Variants in DBI observed in about 807,000 individuals in gnomAD.
DBI encodes the protein diazepam binding inhibitor, acyl-CoA binding protein, also known as acyl-CoA-binding protein.
In DBI, 12 loss-of-function variants were observed where a neutral mutation model predicts 13.0. That is an observed-to-expected ratio of 0.92 (90% CI 0.59 to 1.49). The LOEUF (loss-of-function observed/expected upper bound fraction) is 1.49, where lower values mean the gene tolerates loss of function less well. Ranked by LOEUF, DBI falls within the 40% of genes most tolerant of loss-of-function variation. The pLI is 0.00. For missense variants in DBI, 95 were observed against 104.8 expected, an observed-to-expected ratio of 0.91 and a Z score of 0.41; for synonymous variants, 37 against 37.4, an observed-to-expected ratio of 0.99 and a Z score of 0.04.
intron 1 of DBI, chr2:119,367,817 GGTGGT>G: frequency 1.2e-6 from 2 of 1,612,560 alleles, no homozygotes; most frequent in Admixed American, 3.3e-5. Context: ...TGCCTGGCCC[GGTGGT>G]GGCCAGGCAG....
intron 2 of DBI, among the ~76,000 whole-genome samples, chr2:119,370,002 A>G (rs1681398867): frequency 1.3e-5 from 2 of 152,096 alleles, no homozygotes; most frequent in South Asian, 4.1e-4. Context: ...GATGACCACA[A>G]GGGCAGTTTG....
At chr2:119,367,168 C>T in intron 1 of DBI, 108 bp downstream of exon 1, 1 of 1,547,546 alleles carries the variant, frequency 6.5e-7, no homozygotes, top group Non-Finnish European at 8.7e-7. Context: ...GTGCCCCTCA[C>T]TTGCTCATGG....
Position 119,370,751 on chromosome 2 carries a change from A to G in DBI, c.139A>G (p.Met47Val), listed in dbSNP as rs1055805844. 1.2e-6 allele frequency: 2 copies of G among 1,613,934 alleles called. No individual in the cohort carries two copies. Among genetic ancestry groups the G allele is most frequent in the African/African-American group, 2.7e-5 (2 of 74,908 alleles). The change falls in exon 3 of 4, where the codon ATG (methionine) becomes GTG (valine). Residue 47 changes from methionine to valine, a missense_variant. Coordinates refer to ENST00000355857, the MANE Select transcript of DBI (RefSeq NM_001079862.4). ...TTCCCTTGTTTAAGAACGGCCCGGGATGTTGGACTTCACGGGCAAGGCCAA... is the reference window on the plus strand; with the variant it reads ...TTCCCTTGTTTAAGAACGGCCCGGGGTGTTGGACTTCACGGGCAAGGCCAA... ...VGDINTERPG[M>V]LDFTGKAKWD...
In DBI at chr2:119,372,391, T is replaced by C; in HGVS notation, c.*73T>C. ...AATGCCTTGTTTTTTTCTAATACCG[T>C]GGATGGTGGGAATTCGGGAAAATAA... On this transcript the variant is annotated 3_prime_UTR_variant, in exon 4 of 4. Transcript: ENST00000355857. 3.3e-6 allele frequency: 4 copies of C among 1,197,586 alleles called. No homozygotes were observed. The highest frequency in any genetic ancestry group is 5.0e-6 in the Non-Finnish European group (4 of 805,626). The allele number at this position is 1,197,586 out of a possible 1,614,324, so 74.2% of individuals were successfully genotyped here.
chr2:119,367,861 GA>G (rs879045455), intron 1 of DBI: 2 of 1,613,878 alleles, frequency 1.2e-6, no homozygotes, highest in African/African-American at 1.3e-5. Flanking sequence ...CCGCAGAGGG[GA>G]CCCCCACTGG....
intron 2 of DBI, 137 bp downstream of exon 2, chr2:119,368,442 G>A: frequency 1.5e-6 from 1 of 684,108 alleles, no homozygotes; most frequent in Non-Finnish European, 2.6e-6. Context: ...TGGTTCCTGA[G>A]GTGGAAAAGA....
chr2:119,370,823 C>A, intron 3 of DBI, 21 bp downstream of exon 3: 1 of 1,608,742 alleles, frequency 6.2e-7, no homozygotes, highest in Non-Finnish European at 8.5e-7. Context: ...TAATCAATTT[C>A]TCTCATTTGT....
At chr2:119,371,441 C>G (rs1573729557) in intron 3 of DBI, among the ~76,000 whole-genome samples, 1 of 152,134 alleles carries the variant, frequency 6.6e-6, no homozygotes. Context: ...AATGAGAAAC[C>G]CTTGAATTCA....
At chr2:119,371,913 G>A (rs1681542344) in intron 3 of DBI, among the ~76,000 whole-genome samples, 1 of 152,160 alleles carries the variant, frequency 6.6e-6, no homozygotes, top group South Asian at 2.1e-4. Flanking sequence ...AAGTCACCAC[G>A]ATGACAGTTT....
chr2:119,370,983 G>A (rs1681476758), intron 3 of DBI, among the ~76,000 whole-genome samples, 181 bp downstream of exon 3: 1 of 152,184 alleles, frequency 6.6e-6, no homozygotes, highest in Non-Finnish European at 1.5e-5. Flanking sequence ...CACCATTTAT[G>A]CCTTTTCTAA....
At chr2:119,370,125 G>C (rs78948541) in intron 2 of DBI, 1 of 152,174 alleles carries the variant, frequency 6.6e-6, no homozygotes, top group Non-Finnish European at 1.5e-5. Flanking sequence ...GCTGGGCATC[G>C]TAGTGAAATA....
In DBI at chr2:119,372,491, T is replaced by C. The variant is rs1681597809; in HGVS notation, c.*173T>C. ...TAGGGGCTAAAACGATTACTGACTT[T>C]CCTTGAGTAGTTTTTATCTGAAATC... On this transcript the variant is annotated 3_prime_UTR_variant, in exon 4 of 4. Transcript: ENST00000355857. 2 of 522,628 alleles carry C rather than the reference T, an allele frequency of 3.8e-6. No homozygotes were observed. The highest frequency in any genetic ancestry group is 6.4e-5 in the East Asian group (2 of 31,458). The allele number at this position is 522,628 out of a possible 1,614,324, so 32.4% of individuals were successfully genotyped here. A position where few individuals can be genotyped will look rare whatever the true frequency, so the allele number is the denominator to read the frequency against.
chr2:119,367,044 C>T lies in DBI; in HGVS notation c.-8C>T. On this transcript the variant is annotated 5_prime_UTR_variant, in exon 1 of 4. Transcript: ENST00000355857. ...CTGTCTCCCTGGAGTTCTTGCAAGT[C>T]GGCCAGGATGTCTCAGGTACAGCGC... is the stretch of plus-strand genomic sequence containing the variant. 6 of 1,614,082 alleles carry T rather than the reference C, an allele frequency of 3.7e-6. 1 individual carries two copies. The highest frequency in any genetic ancestry group is 1.3e-5 in the African/African-American group (1 of 75,070).
At position 119,368,280 on chromosome 2, in the gene DBI, A is replaced by G. The variant is rs1454307817; in HGVS notation, c.102A>G (p.Gln34=). 11 of 1,613,764 alleles carry G rather than the reference A, an allele frequency of 6.8e-6. No homozygotes were observed. Among genetic ancestry groups the G allele is most frequent in the Non-Finnish European group, 8.5e-6 (10 of 1,179,788 alleles). The change falls in exon 2 of 4, where the codon CAA becomes CAG. Residue 34 remains glutamine, a synonymous_variant. Coordinates refer to ENST00000355857, the MANE Select transcript of DBI (RefSeq NM_001079862.4). ...TGTTCATCTATGGCCACTACAAACA[A>G]GCAACTGTGGGCGACATAAATACAG... ...EMLFIYGHYK[Q]ATVGDINTER... is the part of the protein sequence containing the mutation.
At chr2:119,368,551 G>A (rs1330728523) in intron 2 of DBI, 2 of 446,418 alleles carry the variant, frequency 4.5e-6, no homozygotes, top group Non-Finnish European at 8.2e-6. Context: ...TCTCTACTAG[G>A]GAAGAAGCAA....
At chr2:119,369,851 C>T (rs1681386185) in intron 2 of DBI, among the ~76,000 whole-genome samples, 1 of 152,118 alleles carries the variant, frequency 6.6e-6, no homozygotes, top group Non-Finnish European at 1.5e-5. Context: ...TCACAGGAAC[C>T]ACATTTCAGA....
Position 119,372,300 on chromosome 2 carries a change from G to T in DBI, c.246G>T (p.Lys82Asn). 1 of 1,612,890 alleles carries T rather than the reference G, an allele frequency of 6.2e-7. No individual in the cohort carries two copies. Among genetic ancestry groups the T allele is most frequent in the Non-Finnish European group, 8.5e-7 (1 of 1,179,052 alleles). The change falls in exon 4 of 4, where the codon AAG (lysine) becomes AAT (asparagine). Residue 82 changes from lysine to asparagine, a missense_variant. Transcript: ENST00000355857. The stretch of plus-strand genomic sequence containing the variant: ...ACATCAACAAAGTAGAAGAGCTAAA[G>T]AAAAAATACGGGATATGAGAGACTG... ...KAYINKVEEL[K>N]KKYGI
At chr2:119,367,980 G>A (rs1230302087) in intron 1 of DBI, 1 of 1,613,462 alleles carries the variant, frequency 6.2e-7, no homozygotes, top group South Asian at 1.1e-5. Flanking sequence ...GAACTGGAGG[G>A]GCTTCCCCTT....
intron 1 of DBI, 200 bp downstream of exon 1, chr2:119,367,260 C>A: frequency 1.4e-6 from 2 of 1,436,400 alleles, no homozygotes; most frequent in Non-Finnish European, 1.8e-6. Context: ...TGCTGCCCAC[C>A]CCGCAACTGC....
Sources: gnomAD v4.1 joint callset for allele counts (sites outside exome capture counted in the v4.1 genomes callset) on GRCh38, gnomAD v4.1.1 for gene constraint, MANE v1.5 for transcripts, NCBI Gene and HGNC (gene_info 2026-07-23, HGNC 2026-07-21) for gene names.